LRRTM3: variants seen among roughly 807,000 people sequenced by gnomAD.
LRRTM3 encodes the protein leucine rich repeat transmembrane neuronal 3, also known as leucine-rich repeat transmembrane neuronal protein 3.
In LRRTM3, 24 loss-of-function variants were observed where a neutral mutation model predicts 44.7. That is an observed-to-expected ratio of 0.54 (90% CI 0.39 to 0.76). The LOEUF is 0.76. LRRTM3 is among the 30% of genes least tolerant of loss of function. The pLI is 0.00. For synonymous variants in LRRTM3, 277 were observed against 278.7 expected (o/e 0.99, Z 0.06); for missense variants, 587 against 702.2 (o/e 0.84, Z 1.85).
chr10:66,974,460 G>A lies in LRRTM3; in HGVS notation c.1536+46008G>A, dbSNP rs181407098. ...TTTGACTATTGTGAATTAAGCTGCT[G>A]TAAACATTTATATACAAGTCATTCG... On this transcript the variant is annotated intron_variant, in intron 2 of 2. Coordinates refer to ENST00000361320, the MANE Select transcript of LRRTM3 (RefSeq NM_178011.5). Among the ~76,000 whole-genome samples, 14 of 152,248 alleles carry A rather than the reference G, an allele frequency of 9.2e-5. 1 individual carries two copies. The East Asian group carries it at 2.3e-3, about 25-fold the overall frequency.
At chr10:67,024,745 AC>A (rs1168303082) in intron 2 of LRRTM3, among the ~76,000 whole-genome samples, 1 of 152,246 alleles carries the variant, frequency 6.6e-6, no homozygotes, top group East Asian at 1.9e-4. Flanking sequence ...TTCAGAGCCT[AC>A]TAAACATTCT....
At chr10:67,027,782 A>G (rs1853483418) in intron 2 of LRRTM3, among the ~76,000 whole-genome samples, 1 of 152,180 alleles carries the variant, frequency 6.6e-6, no homozygotes, top group African/African-American at 2.4e-5. Flanking sequence ...AGGACATATA[A>G]TATGTCCACC....
Position 66,932,097 on chromosome 10 carries a change from C to T in LRRTM3, c.1536+3645C>T, listed in dbSNP as rs185907522. Among the ~76,000 whole-genome samples, 797 of 152,210 alleles carry T rather than the reference C, an allele frequency of 5.2e-3. 4 individuals carry two copies. Among genetic ancestry groups the T allele is most frequent in the Non-Finnish European group, 9.0e-3 (611 of 68,014 alleles). On this transcript the variant is annotated intron_variant, in intron 2 of 2. Coordinates refer to ENST00000361320, the MANE Select transcript of LRRTM3 (RefSeq NM_178011.5). ...GCCAGTGACCTGTGCTTTGCCTCAG[C>T]GCTTTCTCCCTCCCTCCCCCTTTTC...
intron 2 of LRRTM3, among the ~76,000 whole-genome samples, chr10:67,046,950 A>T (rs1854790420): frequency 6.6e-6 from 1 of 152,204 alleles, no homozygotes; most frequent in Non-Finnish European, 1.5e-5. Flanking sequence ...AAGAAGAAAT[A>T]ATTACCAATT....
chr10:67,051,463 CTTT>C (rs11334360), intron 2 of LRRTM3, among the ~76,000 whole-genome samples: 30 of 129,708 alleles, frequency 2.3e-4, no homozygotes, highest in Admixed American at 5.5e-4. Flanking sequence ...TTTCTTTTTT[CTTT>C]TTTTTTTTTT....
chr10:66,935,510 T>TA (rs976512951), intron 2 of LRRTM3, among the ~76,000 whole-genome samples: 2 of 152,020 alleles, frequency 1.3e-5, no homozygotes, highest in African/African-American at 4.8e-5. Context: ...AATAGAGGGT[T>TA]AGGTAACATC....
chr10:67,055,387 GCAGTCA>G (rs1352735761), intron 2 of LRRTM3, among the ~76,000 whole-genome samples: 2 of 152,158 alleles, frequency 1.3e-5, no homozygotes, highest in Admixed American at 1.3e-4. Flanking sequence ...GACACAGAAA[GCAGTCA>G]TGGACAGAGA....
intron 2 of LRRTM3, among the ~76,000 whole-genome samples, chr10:67,079,463 C>T (rs183735841): frequency 1.3e-5 from 2 of 152,248 alleles, no homozygotes; most frequent in African/African-American, 4.8e-5. Flanking sequence ...AATAAATTCG[C>T]AAATATCTCC....
At chr10:66,981,532 T>C (rs1389597488) in intron 2 of LRRTM3, among the ~76,000 whole-genome samples, 1 of 152,218 alleles carries the variant, frequency 6.6e-6, no homozygotes, top group African/African-American at 2.4e-5. Flanking sequence ...CATATCTCCA[T>C]TGCACTTCTG....
intron 2 of LRRTM3, among the ~76,000 whole-genome samples, chr10:66,936,797 T>A (rs1256113488): frequency 2.0e-5 from 3 of 152,136 alleles, no homozygotes; most frequent in Non-Finnish European, 4.4e-5. Context: ...TTCTTATGCG[T>A]TATCAAATAT....
chr10:66,950,071 T>C (rs1329664864), intron 2 of LRRTM3, among the ~76,000 whole-genome samples: 1 of 152,176 alleles, frequency 6.6e-6, no homozygotes, highest in Non-Finnish European at 1.5e-5. Context: ...AAACCATGAT[T>C]TACCACTCTT....
At chr10:66,973,996 G>C (rs1849880409) in intron 2 of LRRTM3, among the ~76,000 whole-genome samples, 1 of 151,990 alleles carries the variant, frequency 6.6e-6, no homozygotes, top group Non-Finnish European at 1.5e-5. Flanking sequence ...GGTTTAATAG[G>C]TTTTACCAAC....
intron 2 of LRRTM3, among the ~76,000 whole-genome samples, chr10:66,966,543 A>G (rs943326752): frequency 6.6e-5 from 10 of 152,098 alleles, no homozygotes; most frequent in African/African-American, 2.4e-4. Flanking sequence ...AAAATGAGCT[A>G]TCAGATTCAA....
chr10:67,030,928 C>G (rs1407496163), intron 2 of LRRTM3, among the ~76,000 whole-genome samples: 1 of 152,046 alleles, frequency 6.6e-6, no homozygotes, highest in Non-Finnish European at 1.5e-5. Flanking sequence ...TGCTTGAACC[C>G]GAGAGGTGGA....
intron 2 of LRRTM3, among the ~76,000 whole-genome samples, chr10:67,005,098 AT>A (rs1376967405): frequency 2.0e-5 from 3 of 151,990 alleles, no homozygotes; most frequent in African/African-American, 7.2e-5. Context: ...CCTATGGATT[AT>A]TTTTTTTCCA....
chr10:66,937,089 AT>A lies in LRRTM3; in HGVS notation c.1536+8646del, dbSNP rs560435590. Among the ~76,000 whole-genome samples, 335 of 151,558 alleles carry A rather than the reference AT, an allele frequency of 2.2e-3. 3 individuals carry two copies. Among genetic ancestry groups the A allele is most frequent in the East Asian group, 7.2e-3 (37 of 5,130 alleles). On this transcript the variant is annotated intron_variant, in intron 2 of 2. Transcript: ENST00000361320. Reference sequence around the variant, plus strand: ...TTCATTCAATAAACTATATTTGAGAATTTTTTTTTCAGTGAATCGCCATTAT... The same window carrying A: ...TTCATTCAATAAACTATATTTGAGAATTTTTTTTCAGTGAATCGCCATTAT...
intron 2 of LRRTM3, among the ~76,000 whole-genome samples, chr10:67,030,603 A>G (rs912707239): frequency 2.0e-5 from 3 of 152,160 alleles, no homozygotes; most frequent in Non-Finnish European, 4.4e-5. Context: ...CTGATTTTGC[A>G]TATTTTCATG....
chr10:66,928,675 T>A (rs1925577), intron 2 of LRRTM3, among the ~76,000 whole-genome samples: 2 of 151,998 alleles, frequency 1.3e-5, no homozygotes, highest in Non-Finnish European at 2.9e-5. Flanking sequence ...CCACAATCAA[T>A]GTGAAGCTTG....
At chr10:66,997,834 A>T (rs1325001917) in intron 2 of LRRTM3, among the ~76,000 whole-genome samples, 1 of 152,060 alleles carries the variant, frequency 6.6e-6, no homozygotes, top group Non-Finnish European at 1.5e-5. Flanking sequence ...AAAATCACCC[A>T]AGCCAGAAGC....
Sources: gnomAD v4.1 joint callset for allele counts (sites outside exome capture counted in the v4.1 genomes callset) on GRCh38, gnomAD v4.1.1 for gene constraint, MANE v1.5 for transcripts, NCBI Gene and HGNC (gene_info 2026-07-23, HGNC 2026-07-21) for gene names.